SCAPER: variants seen among roughly 807,000 people sequenced by gnomAD.
SCAPER encodes the protein S phase cyclin A-associated protein in the endoplasmic reticulum.
In SCAPER, 98 loss-of-function variants were observed where a neutral mutation model predicts 182.2. The ratio of observed to expected loss-of-function variants is 0.54; its 90% CI spans 0.46 to 0.64. The LOEUF (loss-of-function observed/expected upper bound fraction) is 0.64. Among genes scored for constraint, SCAPER ranks in the 30% least tolerant of loss-of-function variants. The probability of loss-of-function intolerance (pLI) is 0.00; values close to 1 mark genes in which losing one functional copy is unlikely to be tolerated. For missense variants in SCAPER, 1,432 were observed against 1,690.0 expected, an observed-to-expected ratio of 0.85 and a Z score of 2.68; for synonymous variants, 605 against 564.6, an observed-to-expected ratio of 1.07 and a Z score of -1.01.
intron 16 of SCAPER, among the ~76,000 whole-genome samples, chr15:76,731,185 A>T (rs1034799457): frequency 1.3e-5 from 2 of 152,182 alleles, no homozygotes; most frequent in African/African-American, 2.4e-5. Flanking sequence ...AAGAATTAAA[A>T]CTTACAGCAA....
intron 21 of SCAPER, among the ~76,000 whole-genome samples, chr15:76,622,978 T>C (rs988583460): frequency 1.3e-5 from 2 of 152,146 alleles, no homozygotes; most frequent in African/African-American, 2.4e-5. Context: ...GCATGTGACA[T>C]CCAGTTGTTT....
At chr15:76,746,890 A>G (rs1289751196) in intron 15 of SCAPER, among the ~76,000 whole-genome samples, 1 of 152,252 alleles carries the variant, frequency 6.6e-6, no homozygotes, top group Non-Finnish European at 1.5e-5. Context: ...AGGAAATTCC[A>G]CGTTCATAAA....
intron 27 of SCAPER, among the ~76,000 whole-genome samples, chr15:76,383,530 T>G (rs2043106142): frequency 6.6e-6 from 1 of 152,250 alleles, no homozygotes; most frequent in African/African-American, 2.4e-5. Flanking sequence ...TATGAAATAC[T>G]GTCATCTTAT....
chr15:76,742,466 TAAAAAAAAA>T (rs55751202), intron 15 of SCAPER, among the ~76,000 whole-genome samples: 9 of 37,052 alleles, frequency 2.4e-4, no homozygotes, highest in South Asian at 2.2e-3. Flanking sequence ...TGTCTTTTCC[TAAAAAAAAA>T]AAAAAAAAAA....
In SCAPER at chr15:76,460,152, G is replaced by C. The variant is rs538418103; in HGVS notation, c.3078+11060C>G. 3.3e-5 allele frequency among the ~76,000 whole-genome samples: 5 copies of C among 152,046 alleles called. No individual in the cohort carries two copies. The South Asian group carries it at 1.0e-3, about 32-fold the overall frequency. On this transcript the variant is annotated intron_variant, in intron 25 of 31. Coordinates refer to ENST00000563290, the MANE Select transcript of SCAPER (RefSeq NM_020843.4). ...GATAGGGATTGCACTAAATCTGTAGGTTTCTTTAGGTAGTATAGTCATTTT... is the reference window on the plus strand; with the variant it reads ...GATAGGGATTGCACTAAATCTGTAGCTTTCTTTAGGTAGTATAGTCATTTT...
chr15:76,494,021 C>T (rs901353050), intron 24 of SCAPER, among the ~76,000 whole-genome samples: 16 of 151,998 alleles, frequency 1.1e-4, no homozygotes, highest in Non-Finnish European at 1.0e-4. Flanking sequence ...TAAAATCATC[C>T]TGACTAGAAA....
intron 4 of SCAPER, among the ~76,000 whole-genome samples, chr15:76,849,137 C>T (rs991246955): frequency 6.6e-6 from 1 of 152,140 alleles, no homozygotes; most frequent in Non-Finnish European, 1.5e-5. Context: ...CCTTCAACTC[C>T]CTGCTCCCCA....
chr15:76,649,201 T>G (rs2054804822), intron 21 of SCAPER, among the ~76,000 whole-genome samples: 1 of 152,202 alleles, frequency 6.6e-6, no homozygotes, highest in Non-Finnish European at 1.5e-5. Context: ...TTTCTTGGCA[T>G]GAGGCAACAA....
chr15:76,728,608 G>A lies in SCAPER; in HGVS notation c.2152C>T (p.Arg718Trp). 2 of 1,613,484 alleles carry A rather than the reference G, an allele frequency of 1.2e-6. No individual in the cohort carries two copies. Among genetic ancestry groups the A allele is most frequent in the Non-Finnish European group, 1.7e-6 (2 of 1,179,574 alleles). The change falls in exon 17 of 32, where the codon CGG becomes TGG. Residue 718 changes from arginine (R) to tryptophan (W), a missense_variant. Around this residue, in one of 5 missense-constraint regions of SCAPER, gnomAD observed 88 missense variants for 184.2 expected, o/e 0.48. Transcript: ENST00000563290. ...EKEKAREDAA[R>W]ERARDREERL... The stretch of plus-strand genomic sequence containing the variant: ...CAAATGAGATACCTAGCTCTTTCCC[G>A]GGCTGCATCCTCACGGGCTTTTTCC...
Position 76,487,764 on chromosome 15 carries a change from T to C in SCAPER, c.2955-16429A>G, listed in dbSNP as rs116864413. On this transcript the variant is annotated intron_variant, in intron 24 of 31. Coordinates refer to ENST00000563290, the MANE Select transcript of SCAPER (RefSeq NM_020843.4). ...TAATCTCCTGCAATTCTTATTCATA[T>C]CAGAGATCAGGTTGTTCTGCCTTAG... Among the ~76,000 whole-genome samples, 1,181 of 152,332 alleles carry C rather than the reference T, an allele frequency of 7.8e-3. 7 individuals are homozygous for C. The highest frequency in any genetic ancestry group is 0.016 in the South Asian group (77 of 4,824).
At chr15:76,672,136 G>C (rs2057064495) in intron 20 of SCAPER, among the ~76,000 whole-genome samples, 1 of 152,078 alleles carries the variant, frequency 6.6e-6, no homozygotes, top group Admixed American at 6.5e-5. Flanking sequence ...AGACAAAGGG[G>C]AAAACAATGC....
At chr15:76,899,077 C>A (rs1172178641) in intron 1 of SCAPER, among the ~76,000 whole-genome samples, 1 of 152,206 alleles carries the variant, frequency 6.6e-6, no homozygotes, top group African/African-American at 2.4e-5. Flanking sequence ...AATAAAATGA[C>A]ATTTACTCAA....
intron 27 of SCAPER, among the ~76,000 whole-genome samples, chr15:76,384,765 G>A (rs2043184771): frequency 6.6e-6 from 1 of 152,218 alleles, no homozygotes; most frequent in African/African-American, 2.4e-5. Flanking sequence ...GACTAATGTA[G>A]ACATGAAGGG....
intron 1 of SCAPER, among the ~76,000 whole-genome samples, chr15:76,899,110 T>G (rs2074599262): frequency 6.6e-6 from 1 of 152,222 alleles, no homozygotes; most frequent in African/African-American, 2.4e-5. Context: ...AACACTATCT[T>G]AAACATAAAA....
At chr15:76,574,032 T>G in intron 23 of SCAPER, 126 bp downstream of exon 23, 1 of 906,516 alleles carries the variant, frequency 1.1e-6, no homozygotes, top group Non-Finnish European at 1.5e-6. Context: ...ATTCATCTAT[T>G]ATTGACTAGC....
chr15:76,678,137 G>GA (rs11387086), intron 20 of SCAPER, among the ~76,000 whole-genome samples: 7,632 of 151,468 alleles, frequency 0.05, 567 homozygotes, highest in African/African-American at 0.16. Context: ...TGTACACTTT[G>GA]AAAAAAAGGA....
At chr15:76,639,561 G>C (rs1283739213) in intron 21 of SCAPER, among the ~76,000 whole-genome samples, 3 of 152,092 alleles carry the variant, frequency 2.0e-5, no homozygotes, top group Non-Finnish European at 4.4e-5. Context: ...TGAAAACTAA[G>C]ACAACAGATT....
chr15:76,447,223 C>CCT lies in SCAPER; in HGVS notation c.3079-12914_3079-12913insAG, dbSNP rs112601690. Among the ~76,000 whole-genome samples the CCT allele has an allele frequency of 2.8e-3, 432 of 152,250 alleles. 5 individuals are homozygous for CCT. The highest frequency in any genetic ancestry group is 8.5e-3 in the African/African-American group (353 of 41,546). ...TGGAGGTTCTTGGAGGGTGGTGCACCTGGAGAGGGTAATCCATGCTTCTTT... is the reference window on the plus strand; with the variant it reads ...TGGAGGTTCTTGGAGGGTGGTGCACCCTTGGAGAGGGTAATCCATGCTTCTTT... On this transcript the variant is annotated intron_variant, in intron 25 of 31. Coordinates refer to ENST00000563290, the MANE Select transcript of SCAPER (RefSeq NM_020843.4).
chr15:76,875,369 G>GGT (rs1478604643), intron 2 of SCAPER, among the ~76,000 whole-genome samples: 1 of 152,172 alleles, frequency 6.6e-6, no homozygotes, highest in African/African-American at 2.4e-5. Flanking sequence ...GGCCAGGCGT[G>GGT]GTGGCTCATG....
Sources: gnomAD v4.1 joint callset for allele counts (sites outside exome capture counted in the v4.1 genomes callset) on GRCh38, gnomAD v4.1.1 for gene constraint, gnomAD v4.1.1 regional missense constraint, MANE v1.5 for transcripts, NCBI Gene and HGNC (gene_info 2026-07-23, HGNC 2026-07-21) for gene names.